The following PREX2 variants were observed in gnomAD, a reference collection of about 807,000 sequenced individuals.
PREX2 encodes phosphatidylinositol-3,4,5-trisphosphate dependent Rac exchange factor 2.
A neutral mutation model predicts 203.2 loss-of-function variants in PREX2; 107 were observed. That is an observed-to-expected ratio of 0.53 (90% CI 0.45 to 0.62). The LOEUF (loss-of-function observed/expected upper bound fraction) is 0.62, where lower values mean the gene tolerates loss of function less well. PREX2 is among the 20% of genes least tolerant of loss of function. The pLI, the probability that PREX2 is intolerant of heterozygous loss-of-function variation, is 0.00. For missense variants in PREX2, 1,777 were observed against 1,955.9 expected (o/e 0.91, Z 1.72); for synonymous variants, 672 against 663.6 (o/e 1.01, Z -0.19).
rs1353078022 is a variant in PREX2, at chr8:68,098,936, G to GTATA, written c.2554-745_2554-744insATAT. Reference sequence around the variant, plus strand: ...TTAATCAGAAATGCTACATATATATGTGTATATATATATATATATATATAT... The same window carrying GTATA: ...TTAATCAGAAATGCTACATATATATGTATATGTATATATATATATATATATATAT... On this transcript the variant is annotated intron_variant, in intron 22 of 39. Coordinates refer to ENST00000288368, the MANE Select transcript of PREX2 (RefSeq NM_024870.4). 4.1e-3 allele frequency among the ~76,000 whole-genome samples: 305 copies of GTATA among 74,816 alleles called. 9 individuals carry two copies. Among genetic ancestry groups the GTATA allele is most frequent in the African/African-American group, 0.014 (276 of 20,152 alleles). 49.1% of individuals were successfully genotyped at this position (74,816 alleles called of 152,430 possible).
chr8:67,968,764 T>C (rs1805843248), intron 1 of PREX2, among the ~76,000 whole-genome samples: 1 of 152,204 alleles, frequency 6.6e-6, no homozygotes, highest in Non-Finnish European at 1.5e-5. Context: ...GTTTCTTATC[T>C]ATGCTTTTCA....
At chr8:68,187,925 G>A (rs941563916) in intron 35 of PREX2, among the ~76,000 whole-genome samples, 1 of 152,180 alleles carries the variant, frequency 6.6e-6, no homozygotes, top group African/African-American at 2.4e-5. Context: ...GACAGCGTTT[G>A]CAGAGCAATA....
intron 1 of PREX2, among the ~76,000 whole-genome samples, chr8:67,953,602 T>G (rs991044337): frequency 6.6e-6 from 1 of 152,102 alleles, no homozygotes; most frequent in Non-Finnish European, 1.5e-5. Flanking sequence ...CCAAACTTCC[T>G]GCTTAGTGTT....
chr8:68,127,595 T>G (rs1436749049), intron 31 of PREX2, among the ~76,000 whole-genome samples, 176 bp downstream of exon 31: 1 of 151,064 alleles, frequency 6.6e-6, no homozygotes, highest in Non-Finnish European at 1.5e-5. Context: ...TTAATAAAAA[T>G]GCAAATATAT....
chr8:67,960,001 A>T (rs957684155), intron 1 of PREX2, among the ~76,000 whole-genome samples: 2 of 152,004 alleles, frequency 1.3e-5, no homozygotes, highest in Non-Finnish European at 2.9e-5. Flanking sequence ...TAAAGTCCTG[A>T]TAGGTAGGAA....
At chr8:68,083,412 A>AT (rs769517377) in intron 18 of PREX2, 24 bp downstream of exon 18, 8 of 1,560,272 alleles carry the variant, frequency 5.1e-6, no homozygotes, top group East Asian at 2.3e-5. Flanking sequence ...TTTATGTGTG[A>AT]TTTTTTAAAA....
intron 35 of PREX2, among the ~76,000 whole-genome samples, chr8:68,189,336 C>T (rs1812250321): frequency 6.6e-6 from 1 of 152,148 alleles, no homozygotes; most frequent in African/African-American, 2.4e-5. Flanking sequence ...TAGGGTAAAA[C>T]CTTATCAGGG....
chr8:67,991,500 A>G (rs1300804361), intron 1 of PREX2, among the ~76,000 whole-genome samples: 1 of 152,124 alleles, frequency 6.6e-6, no homozygotes, highest in Non-Finnish European at 1.5e-5. Flanking sequence ...GGAAGCAAAC[A>G]CCTTCTTTAC....
At chr8:67,994,226 G>A (rs1806697357) in intron 1 of PREX2, among the ~76,000 whole-genome samples, 2 of 152,124 alleles carry the variant, frequency 1.3e-5, no homozygotes, top group Admixed American at 6.5e-5. Context: ...TCTCAGAAAC[G>A]TGTCCCACTG....
chr8:68,092,529 T>C (rs1309190923), intron 20 of PREX2, among the ~76,000 whole-genome samples: 1 of 152,150 alleles, frequency 6.6e-6, no homozygotes, highest in Non-Finnish European at 1.5e-5. Context: ...TCATCTCATC[T>C]CTCTCATTTC....
intron 34 of PREX2, among the ~76,000 whole-genome samples, chr8:68,152,330 C>T (rs920927474): frequency 8.9e-4 from 128 of 143,802 alleles, no homozygotes; most frequent in Non-Finnish European, 1.6e-3. Context: ...TTTAGTTTTC[C>T]ATTTGGGTTT....
chr8:68,109,108 G>T (rs1810479624), intron 24 of PREX2: 2 of 442,078 alleles, frequency 4.5e-6, no homozygotes, highest in Non-Finnish European at 8.5e-6. Flanking sequence ...CAGATAAGAG[G>T]AATAAGTTCA....
At chr8:68,037,549 C>T (rs1382515473) in intron 6 of PREX2, among the ~76,000 whole-genome samples, 1 of 152,126 alleles carries the variant, frequency 6.6e-6, no homozygotes, top group African/African-American at 2.4e-5. Flanking sequence ...TAAGAATTGC[C>T]TTTGTCACTA....
chr8:68,034,329 CA>C (rs1807971580), intron 6 of PREX2, among the ~76,000 whole-genome samples: 1 of 152,214 alleles, frequency 6.6e-6, no homozygotes, highest in African/African-American at 2.4e-5. Flanking sequence ...TAATCAGAGT[CA>C]CTGATTCATT....
chr8:68,213,357 G>T (rs1382499048), intron 37 of PREX2, among the ~76,000 whole-genome samples: 1 of 152,118 alleles, frequency 6.6e-6, no homozygotes, highest in South Asian at 2.1e-4. Context: ...CAGTGCTAAG[G>T]CCCCTCCCAG....
At chr8:68,129,857 T>C (rs1810966453) in intron 31 of PREX2, among the ~76,000 whole-genome samples, 1 of 145,648 alleles carries the variant, frequency 6.9e-6, no homozygotes, top group South Asian at 2.2e-4. Context: ...AAATAAATAA[T>C]AAAAATCTTA....
chr8:68,187,942 G>C (rs1812223514), intron 35 of PREX2, among the ~76,000 whole-genome samples: 1 of 152,200 alleles, frequency 6.6e-6, no homozygotes, highest in Non-Finnish European at 1.5e-5. Context: ...AATAGGACAT[G>C]AATGTTATTG....
At chr8:67,987,370 A>G (rs1806465018) in intron 1 of PREX2, among the ~76,000 whole-genome samples, 1 of 152,046 alleles carries the variant, frequency 6.6e-6, no homozygotes, top group Admixed American at 6.6e-5. Flanking sequence ...TTTTCTTTGT[A>G]CTGTCTGGTC....
At chr8:67,955,170 A>AAAAAAAAAAAAAAAAAAAAAAAAAAAAT (rs1554556251) in intron 1 of PREX2, among the ~76,000 whole-genome samples, 1 of 139,410 alleles carries the variant, frequency 7.2e-6, no homozygotes, top group Non-Finnish European at 1.5e-5. Flanking sequence ...AAAAAAAAAA[A>AAAAAAAAAAAAAAAAAAAAAAAAAAAAT]AGAAATCATA....
Sources: allele counts gnomAD v4.1 joint callset (sites outside exome capture counted in the v4.1 genomes callset), GRCh38; gene constraint gnomAD v4.1.1; transcripts MANE v1.5; gene names NCBI Gene and HGNC (gene_info 2026-07-23, HGNC 2026-07-21).